DGLUCY: variants seen among roughly 807,000 people sequenced by gnomAD.
DGLUCY encodes the protein D-glutamate cyclase, also known as D-glutamate cyclase, mitochondrial.
In DGLUCY, 58 loss-of-function variants were observed where a neutral mutation model predicts 58.5. That is an observed-to-expected ratio of 0.99 (90% CI 0.80 to 1.23). The LOEUF (loss-of-function observed/expected upper bound fraction) is 1.23. Among genes scored for constraint, DGLUCY ranks in the 50% most tolerant of loss-of-function variants. The pLI, the probability that DGLUCY is intolerant of heterozygous loss-of-function variation, is 0.00. For missense variants in DGLUCY, 779 were observed against 784.7 expected (o/e 0.99, Z 0.09); for synonymous variants, 325 against 314.1 (o/e 1.03, Z -0.37).
chr14:91,205,675 A>G (rs1276594140), intron 12 of DGLUCY, among the ~76,000 whole-genome samples: 1 of 152,012 alleles, frequency 6.6e-6, no homozygotes, highest in Admixed American at 6.6e-5. Flanking sequence ...AGTTCTCACA[A>G]TGGATATTAG....
At chr14:91,102,787 T>TG (rs1159135941) in intron 1 of DGLUCY, among the ~76,000 whole-genome samples, 3 of 36,972 alleles carry the variant, frequency 8.1e-5, no homozygotes, top group African/African-American at 7.8e-5. Context: ...GTGTGTGTGT[T>TG]TGAGACTGAG....
chr14:91,105,055 C>CT (rs1440512224), upstream of DGLUCY, among the ~76,000 whole-genome samples: 1 of 152,256 alleles, frequency 6.6e-6, no homozygotes, highest in East Asian at 1.9e-4. Flanking sequence ...TAGCTCACGC[C>CT]TATAATCCCA....
chr14:91,205,604 G>C lies in DGLUCY; in HGVS notation c.1564+779G>C, dbSNP rs948008815. ...CAAGTATGAGAGTTTAAAACTCCAGGCGACCCAGTGGTCTGGGGGCCCTCG... is the reference window on the plus strand; with the variant it reads ...CAAGTATGAGAGTTTAAAACTCCAGCCGACCCAGTGGTCTGGGGGCCCTCG... On this transcript the variant is annotated intron_variant, in intron 12 of 13. Transcript: ENST00000256324. Among the ~76,000 whole-genome samples the C allele has an allele frequency of 2.0e-5, 3 of 152,102 alleles. No individual in the cohort carries two copies. The East Asian group carries it at 5.8e-4, about 29-fold the overall frequency.
At chr14:91,204,657 C>T in intron 11 of DGLUCY, 49 bp from the exon 12 acceptor site, 2 of 1,596,982 alleles carry the variant, frequency 1.3e-6, no homozygotes, top group African/African-American at 1.3e-5. Flanking sequence ...TCAGGCCTCC[C>T]CCATTTTGCC....
intron 1 of DGLUCY, among the ~76,000 whole-genome samples, chr14:91,064,698 G>A (rs945579086): frequency 6.6e-6 from 1 of 151,976 alleles, no homozygotes; most frequent in African/African-American, 2.4e-5. Flanking sequence ...GGAAAACCTG[G>A]AGAGTTTTGT....
At chr14:91,066,097 A>G (rs550316226) in intron 1 of DGLUCY, among the ~76,000 whole-genome samples, 1 of 152,298 alleles carries the variant, frequency 6.6e-6, no homozygotes, top group East Asian at 1.9e-4. Context: ...GACTTTATCC[A>G]CTGGGCGTGG....
chr14:91,097,490 C>T (rs1165692492), intron 1 of DGLUCY, among the ~76,000 whole-genome samples: 1 of 152,134 alleles, frequency 6.6e-6, no homozygotes, highest in African/African-American at 2.4e-5. Context: ...TTGAGTTATA[C>T]ACTTTAGGTG....
chr14:91,180,328 T>C (rs960619870), intron 7 of DGLUCY, among the ~76,000 whole-genome samples: 5 of 151,740 alleles, frequency 3.3e-5, no homozygotes, highest in African/African-American at 1.2e-4. Context: ...TCCCAGCACT[T>C]TGGGAGGTCA....
chr14:91,147,890 C>G (rs1200440365), intron 1 of DGLUCY: 1 of 152,204 alleles, frequency 6.6e-6, no homozygotes, highest in African/African-American at 2.4e-5. Context: ...GAAACACAGA[C>G]GGGGCGCAGT....
chr14:91,212,351 T>A (rs943982422), intron 12 of DGLUCY, among the ~76,000 whole-genome samples: 10 of 151,424 alleles, frequency 6.6e-5, no homozygotes, highest in South Asian at 2.1e-4. Flanking sequence ...TACAAAAAAA[T>A]TTTAAAATAT....
chr14:91,155,373 C>CCA (rs1260466665), intron 1 of DGLUCY, among the ~76,000 whole-genome samples: 1 of 152,188 alleles, frequency 6.6e-6, no homozygotes, highest in Non-Finnish European at 1.5e-5. Flanking sequence ...TTAACCCTTA[C>CCA]CACCACTCAG....
exon 1 of DGLUCY, chr14:91,060,581 G>C (rs1464045360): frequency 1.9e-6 from 2 of 1,079,526 alleles, no homozygotes; most frequent in Non-Finnish European, 1.2e-6. Context: ...TCTCTTTCCC[G>C]CTCTGGCCGC....
chr14:91,136,441 G>A (rs1157560976), intron 1 of DGLUCY, among the ~76,000 whole-genome samples: 1 of 152,094 alleles, frequency 6.6e-6, no homozygotes, highest in African/African-American at 2.4e-5. Context: ...CCAGCACTTT[G>A]GGAGGCCAAG....
chr14:91,190,442 G>C lies in DGLUCY; in HGVS notation c.1195+1272G>C, dbSNP rs138534150. 2.0e-3 allele frequency among the ~76,000 whole-genome samples: 305 copies of C among 152,316 alleles called. 15 individuals carry two copies. In the South Asian group the frequency reaches 0.061, roughly 31 times the overall value. ...TGATGCCATGGGGAAAATGGACCAG[G>C]ATGAGGAGACTGGAGAGTGAGGGGC... On this transcript the variant is annotated intron_variant, in intron 9 of 13. Coordinates refer to ENST00000256324, the MANE Select transcript of DGLUCY (RefSeq NM_001102368.3).
chr14:91,171,259 G>A (rs1297041586), intron 5 of DGLUCY, among the ~76,000 whole-genome samples: 2 of 152,244 alleles, frequency 1.3e-5, no homozygotes, highest in Admixed American at 6.5e-5. Flanking sequence ...GCTCCCATCT[G>A]TACAATGTCA....
intron 1 of DGLUCY, among the ~76,000 whole-genome samples, chr14:91,128,388 G>T (rs1197713080): frequency 6.6e-6 from 1 of 151,666 alleles, no homozygotes; most frequent in Non-Finnish European, 1.5e-5. Flanking sequence ...TTAGCTATTG[G>T]AGAGGCTGAA....
In DGLUCY at chr14:91,173,349, C is replaced by T. The variant is rs773652682; in HGVS notation, c.517C>T (p.Pro173Ser). 3.4e-5 allele frequency: 55 copies of T among 1,613,334 alleles called. No homozygotes were observed. The highest frequency in any genetic ancestry group is 4.2e-5 in the Non-Finnish European group (49 of 1,179,912). ...CTGCCCTCTGGTGGTCACGATGAGG[C>T]CCATTCCCAAGGACAAGCTGGAAGG... ...FCCPLVVTMR[P>S]IPKDKLEGLV... Residue 173 changes from proline (P) to serine (S), a missense_variant, in exon 6 of 14, where the codon CCC becomes TCC. Coordinates refer to ENST00000256324, the MANE Select transcript of DGLUCY (RefSeq NM_001102368.3).
intron 11 of DGLUCY, among the ~76,000 whole-genome samples, chr14:91,200,118 C>A (rs775962363): frequency 2.0e-5 from 3 of 152,100 alleles, no homozygotes; most frequent in Non-Finnish European, 4.4e-5. Flanking sequence ...CCACGCCTGG[C>A]TAATTTTTGT....
intron 3 of DGLUCY, among the ~76,000 whole-genome samples, chr14:91,163,274 A>T (rs1267511656): frequency 6.6e-6 from 1 of 152,290 alleles, no homozygotes; most frequent in African/African-American, 2.4e-5. Flanking sequence ...AAAAGAAAAA[A>T]AAAAATCCAG....
Sources: allele counts gnomAD v4.1 joint callset (sites outside exome capture counted in the v4.1 genomes callset), GRCh38; gene constraint gnomAD v4.1.1; transcripts MANE v1.5; gene names NCBI Gene and HGNC (gene_info 2026-07-23, HGNC 2026-07-21).